Variants in C14orf132 observed in about 807,000 individuals in gnomAD.
C14orf132 encodes uncharacterized protein C14orf132.
In C14orf132, 6 loss-of-function variants were observed where a neutral mutation model predicts 5.8. The observed-to-expected ratio is 1.03, with a 90% CI of 0.57 to 2.04. C14orf132 has a LOEUF of 2.04. C14orf132 is among the 30% of genes most tolerant of loss of function. C14orf132 has a pLI of 0.00. For missense variants in C14orf132, 125 were observed against 115.8 expected (o/e 1.08, Z -0.37); for synonymous variants, 51 against 49.8 (o/e 1.02, Z -0.10).
chr14:96,081,773 T>C (rs1212145719), intron 1 of C14orf132, among the ~76,000 whole-genome samples: 1 of 152,006 alleles, frequency 6.6e-6, no homozygotes, highest in African/African-American at 2.4e-5. Context: ...TAATTTTTTT[T>C]ATATTTTGTA....
intron 1 of C14orf132, among the ~76,000 whole-genome samples, chr14:96,064,601 C>G (rs1361573863): frequency 6.6e-6 from 1 of 151,812 alleles, no homozygotes; most frequent in African/African-American, 2.4e-5. Flanking sequence ...CATATGTTCT[C>G]ACTGGTATGT....
Position 96,069,256 on chromosome 14 carries a change from CATATATATATATATATATAT to C in C14orf132, c.28-17224_28-17205del, listed in dbSNP as rs55648129. On this transcript the variant is annotated intron_variant, in intron 1 of 1. Coordinates refer to ENST00000555004, the MANE Select transcript of C14orf132 (RefSeq NM_001252507.3). ...ATATGTTATTGGTTCTGTTTATGTTCATATATATATATATATATATATATATATATATATATATATATATA... is the reference window on the plus strand; with the variant it reads ...ATATGTTATTGGTTCTGTTTATGTTCATATATATATATATATATATATATA... 1.1e-3 allele frequency among the ~76,000 whole-genome samples: 109 copies of C among 95,264 alleles called. 2 individuals carry two copies. The highest frequency in any genetic ancestry group is 1.6e-3 in the African/African-American group (39 of 24,338). The allele number at this position is 95,264 out of a possible 152,430, so 62.5% of individuals were successfully genotyped here.
rs146891772 is a variant in C14orf132 at position 96,054,640 on chromosome 14, A to G, written c.27+15113A>G. On this transcript the variant is annotated intron_variant, in intron 1 of 1. Coordinates refer to ENST00000555004, the MANE Select transcript of C14orf132 (RefSeq NM_001252507.3). ...CAGGGCAGCATGGACACCAGGAATTATTATGTTTGAACCAAAACTGTATAT... is the reference window on the plus strand; with the variant it reads ...CAGGGCAGCATGGACACCAGGAATTGTTATGTTTGAACCAAAACTGTATAT... Among the ~76,000 whole-genome samples the G allele has an allele frequency of 5.9e-3, 895 of 152,300 alleles. 8 individuals are homozygous for G. Among genetic ancestry groups the G allele is most frequent in the African/African-American group, 0.021 (860 of 41,560 alleles).
At chr14:96,049,649 T>G (rs201396349) in intron 1 of C14orf132, among the ~76,000 whole-genome samples, 2,466 of 79,528 alleles carry the variant, frequency 0.031, 353 homozygotes, top group East Asian at 0.11. Context: ...CGTATATATA[T>G]ATATAGAGAG....
chr14:96,043,413 T>C lies in C14orf132; in HGVS notation c.27+3886T>C, dbSNP rs112920001. 2.8e-4 allele frequency among the ~76,000 whole-genome samples: 43 copies of C among 152,316 alleles called. 2 individuals carry two copies. Among genetic ancestry groups the C allele is most frequent in the African/African-American group, 1.0e-3 (42 of 41,574 alleles). On this transcript the variant is annotated intron_variant, in intron 1 of 1. Transcript: ENST00000555004. ...ACAGGAGGGCTCCTTCACTTGTTCTTATGGCGTAACTCTCCTGTTAAAGCA... is the reference window on the plus strand; with the variant it reads ...ACAGGAGGGCTCCTTCACTTGTTCTCATGGCGTAACTCTCCTGTTAAAGCA...
At position 96,092,612 on chromosome 14, in the gene C14orf132, G is replaced by T. The variant is rs12100880; in HGVS notation, c.*5877G>T. On this transcript the variant is annotated 3_prime_UTR_variant, in exon 2 of 2. Coordinates refer to ENST00000555004, the MANE Select transcript of C14orf132 (RefSeq NM_001252507.3). ...GAAGCGTTGTCCCAACAATGCAGAT[G>T]GTTCTGACAAGGGCTCTATATGCTG... The T allele has an allele frequency of 2.6e-5, 4 of 151,398 alleles. No individual in the cohort carries two copies. Among genetic ancestry groups the T allele is most frequent in the Admixed American group, 2.0e-4 (3 of 15,176 alleles). 9.4% of individuals were successfully genotyped at this position (151,398 alleles called of 1,614,324 possible).
Position 96,041,114 on chromosome 14 carries a change from G to A in C14orf132, c.27+1587G>A, listed in dbSNP as rs185016065. Among the ~76,000 whole-genome samples, 88 of 152,186 alleles carry A rather than the reference G, an allele frequency of 5.8e-4. 1 individual carries two copies. The highest frequency in any genetic ancestry group is 2.1e-3 in the African/African-American group (86 of 41,496). ...TTTGTTTACAATTCACATTCCACTC[G>A]GTCAATGTATTCTCCTTGACACATT... On this transcript the variant is annotated intron_variant, in intron 1 of 1. Transcript: ENST00000555004.
intron 1 of C14orf132, among the ~76,000 whole-genome samples, chr14:96,066,966 C>T (rs1419058607): frequency 3.3e-5 from 5 of 152,100 alleles, no homozygotes; most frequent in South Asian, 2.1e-4. Context: ...TGATCAATTA[C>T]GTATGGGCTG....
chr14:96,053,661 C>T (rs1887095991), intron 1 of C14orf132, among the ~76,000 whole-genome samples: 1 of 152,206 alleles, frequency 6.6e-6, no homozygotes, highest in Admixed American at 6.5e-5. Flanking sequence ...CAGAGCCCCA[C>T]CCCCATGATG....
At chr14:96,066,067 G>C (rs1424902697) in intron 1 of C14orf132, among the ~76,000 whole-genome samples, 1 of 152,160 alleles carries the variant, frequency 6.6e-6, no homozygotes, top group East Asian at 1.9e-4. Flanking sequence ...GGAAGCCACA[G>C]CCACGTGGAG....
intron 1 of C14orf132, among the ~76,000 whole-genome samples, chr14:96,062,147 G>T (rs1419402087): frequency 2.0e-5 from 3 of 152,102 alleles, no homozygotes; most frequent in Admixed American, 6.5e-5. Context: ...TTTCTTGTCT[G>T]CTCATGGCTT....
intron 1 of C14orf132, among the ~76,000 whole-genome samples, chr14:96,054,690 T>G (rs1939806005): frequency 6.6e-6 from 1 of 152,230 alleles, no homozygotes; most frequent in South Asian, 2.1e-4. Context: ...TCCCTTTTTT[T>G]GGGCTAAATG....
chr14:96,072,807 A>G (rs1446360939), intron 1 of C14orf132, among the ~76,000 whole-genome samples: 1 of 152,234 alleles, frequency 6.6e-6, no homozygotes, highest in Non-Finnish European at 1.5e-5. Flanking sequence ...CATTGCGGAC[A>G]TCAATAACCT....
intron 1 of C14orf132, among the ~76,000 whole-genome samples, chr14:96,048,546 A>G (rs1253186693): frequency 6.6e-6 from 1 of 151,834 alleles, no homozygotes; most frequent in South Asian, 2.1e-4. Flanking sequence ...TATTTTTGAG[A>G]TGGAGTTTCA....
intron 1 of C14orf132, among the ~76,000 whole-genome samples, chr14:96,071,150 C>T (rs921567649): frequency 1.3e-5 from 2 of 151,986 alleles, no homozygotes; most frequent in African/African-American, 2.4e-5. Flanking sequence ...ACAATCATGG[C>T]GAAAGGGGAA....
At position 96,086,917 on chromosome 14, in the gene C14orf132, C is replaced by T; in HGVS notation, c.*182C>T. 1.5e-6 allele frequency: 1 copy of T among 670,400 alleles called. No homozygotes were observed. 41.5% of individuals were successfully genotyped at this position (670,400 alleles called of 1,614,324 possible). On this transcript the variant is annotated 3_prime_UTR_variant, in exon 2 of 2. Coordinates refer to ENST00000555004, the MANE Select transcript of C14orf132 (RefSeq NM_001252507.3). ...ATCCCATGTTGTGGTCAAGCTGAGT[C>T]AGAAGACATGGAAGTATGGGCCTCC...
intron 1 of C14orf132, among the ~76,000 whole-genome samples, chr14:96,048,231 G>C (rs573642737): frequency 6.6e-6 from 1 of 152,302 alleles, no homozygotes; most frequent in South Asian, 2.1e-4. Context: ...GTTTACATTA[G>C]GGTTCTCTCT....
intron 1 of C14orf132, among the ~76,000 whole-genome samples, chr14:96,048,306 A>T (rs1258828786): frequency 6.6e-6 from 1 of 152,072 alleles, no homozygotes; most frequent in African/African-American, 2.4e-5. Flanking sequence ...TATAGACAGT[A>T]TTTTCACTGG....
intron 1 of C14orf132, among the ~76,000 whole-genome samples, chr14:96,057,184 T>C (rs1887209214): frequency 6.6e-6 from 1 of 152,052 alleles, no homozygotes; most frequent in African/African-American, 2.4e-5. Flanking sequence ...GATTAGACCG[T>C]GAGGGCTTAA....
Sources: gnomAD v4.1 joint callset for allele counts (sites outside exome capture counted in the v4.1 genomes callset) on GRCh38, gnomAD v4.1.1 for gene constraint, MANE v1.5 for transcripts, NCBI Gene and HGNC (gene_info 2026-07-23, HGNC 2026-07-21) for gene names.